The following FGF14 variants were observed in gnomAD, a reference collection of about 807,000 sequenced individuals.
The protein encoded by FGF14 is fibroblast growth factor homologous factor 4.
In FGF14, 5 loss-of-function variants were observed where a neutral mutation model predicts 25.5. The ratio of observed to expected loss-of-function variants is 0.20; its 90% CI spans 0.10 to 0.41. The LOEUF is 0.41. FGF14 is among the 10% of genes least tolerant of loss of function. The pLI is 1.00. For synonymous variants in FGF14, 138 were observed against 118.3 expected (o/e 1.17, Z -1.08); for missense variants, 222 against 320.1 (o/e 0.69, Z 2.34).
chr13:102,113,293 T>C (rs2045318818), intron 1 of FGF14, among the ~76,000 whole-genome samples: 1 of 152,232 alleles, frequency 6.6e-6, no homozygotes, highest in Non-Finnish European at 1.5e-5. Context: ...ATTAGGATCC[T>C]AGACCAGGGC....
At chr13:102,360,096 G>A (rs1415039) in intron 1 of FGF14, among the ~76,000 whole-genome samples, 12,409 of 152,114 alleles carry the variant, frequency 0.082, 991 homozygotes, top group African/African-American at 0.21. Flanking sequence ...TTACTCATTT[G>A]CCCCTTCAGC....
chr13:102,026,686 G>C (rs1431705534), intron 1 of FGF14, among the ~76,000 whole-genome samples: 1 of 151,910 alleles, frequency 6.6e-6, no homozygotes, highest in East Asian at 1.9e-4. Flanking sequence ...GCACTCAATG[G>C]CTAGAAATAA....
chr13:102,042,244 A>G (rs541189025), intron 1 of FGF14, among the ~76,000 whole-genome samples: 158 of 152,316 alleles, frequency 1.0e-3, no homozygotes, highest in African/African-American at 3.6e-3. Context: ...CAAATATGGT[A>G]TCACTTAGTA....
chr13:102,257,575 C>T (rs142361435), intron 1 of FGF14, among the ~76,000 whole-genome samples: 24 of 151,928 alleles, frequency 1.6e-4, no homozygotes, highest in African/African-American at 5.6e-4. Context: ...TGAAGTGATC[C>T]ACCTGCCTTG....
intron 1 of FGF14, among the ~76,000 whole-genome samples, chr13:102,372,759 C>T (rs542592600): frequency 1.3e-5 from 2 of 152,034 alleles, no homozygotes; most frequent in African/African-American, 2.4e-5. Context: ...GAAAATGTAT[C>T]GTCATTGTAG....
chr13:101,774,953 G>A (rs1388399924), intron 3 of FGF14, among the ~76,000 whole-genome samples: 4 of 124,864 alleles, frequency 3.2e-5, no homozygotes, highest in Non-Finnish European at 6.4e-5. Context: ...TGGGCAACAC[G>A]AATGAAACTC....
chr13:101,818,382 C>T (rs530611560), intron 3 of FGF14, among the ~76,000 whole-genome samples: 2 of 152,306 alleles, frequency 1.3e-5, no homozygotes, highest in Admixed American at 1.3e-4. Context: ...CAAAACAGGT[C>T]CTCCCTGTGC....
At chr13:102,028,364 T>C (rs1445231198) in intron 1 of FGF14, among the ~76,000 whole-genome samples, 1 of 152,030 alleles carries the variant, frequency 6.6e-6, no homozygotes, top group Non-Finnish European at 1.5e-5. Flanking sequence ...CTGATTTGCC[T>C]CCTTCCACCA....
At chr13:101,736,296 TAATAA>T (rs1263859883) in intron 3 of FGF14, among the ~76,000 whole-genome samples, 5 of 152,278 alleles carry the variant, frequency 3.3e-5, no homozygotes, top group African/African-American at 7.2e-5. Context: ...AAAAGAGAAA[TAATAA>T]AATATACATT....
intron 1 of FGF14, among the ~76,000 whole-genome samples, chr13:101,956,616 T>A (rs1276024765): frequency 2.0e-5 from 3 of 152,086 alleles, no homozygotes; most frequent in Admixed American, 6.6e-5. Context: ...CTGCTGGGGT[T>A]AATGAGGTAA....
intron 3 of FGF14, among the ~76,000 whole-genome samples, chr13:101,786,413 C>A (rs780108775): frequency 6.6e-6 from 1 of 152,036 alleles, no homozygotes; most frequent in Non-Finnish European, 1.5e-5. Context: ...GGGTGGAGGA[C>A]GGGGAGTTAA....
At chr13:102,318,390 T>G (rs979428456) in intron 1 of FGF14, among the ~76,000 whole-genome samples, 1 of 152,152 alleles carries the variant, frequency 6.6e-6, no homozygotes, top group Non-Finnish European at 1.5e-5. Flanking sequence ...CAAGGCACCA[T>G]CAGCTGCGTG....
intron 1 of FGF14, among the ~76,000 whole-genome samples, chr13:102,248,025 T>A (rs12100405): frequency 0.047 from 7,155 of 151,928 alleles, 289 homozygotes; most frequent in East Asian, 0.16. Context: ...CACTTAGAAG[T>A]GGGAACTAAA....
chr13:101,783,176 T>C (rs1314961250), intron 3 of FGF14, among the ~76,000 whole-genome samples: 1 of 152,116 alleles, frequency 6.6e-6, no homozygotes, highest in Non-Finnish European at 1.5e-5. Flanking sequence ...GTATGCCTTC[T>C]TTTTAAAAGT....
chr13:102,139,996 G>A (rs990650944), intron 1 of FGF14, among the ~76,000 whole-genome samples: 9 of 150,270 alleles, frequency 6.0e-5, no homozygotes, highest in African/African-American at 1.2e-4. Context: ...ACAAGCCTTC[G>A]TGTAACATCA....
At chr13:101,809,294 T>C (rs977950855) in intron 3 of FGF14, among the ~76,000 whole-genome samples, 16 of 152,148 alleles carry the variant, frequency 1.1e-4, no homozygotes, top group Non-Finnish European at 2.1e-4. Flanking sequence ...TCAGAACACA[T>C]GATTAAAAAT....
At chr13:101,989,721 C>G (rs957303670) in intron 1 of FGF14, among the ~76,000 whole-genome samples, 4 of 152,096 alleles carry the variant, frequency 2.6e-5, no homozygotes, top group African/African-American at 9.7e-5. Flanking sequence ...TAGTCTTAAA[C>G]TACTTGGCAA....
At chr13:102,021,301 ACTTAGCTCATTT>A (rs1171285876) in intron 1 of FGF14, among the ~76,000 whole-genome samples, 1 of 152,058 alleles carries the variant, frequency 6.6e-6, no homozygotes. Context: ...GAAACATTCT[ACTTAGCTCATTT>A]TGAGCTAAGT....
intron 1 of FGF14, among the ~76,000 whole-genome samples, chr13:102,013,675 C>T (rs2139816454): frequency 6.6e-6 from 1 of 152,236 alleles, no homozygotes; most frequent in South Asian, 2.1e-4. Context: ...AGCCTTCCTC[C>T]CAATCTCAGA....
Sources: gnomAD v4.1 joint callset for allele counts (sites outside exome capture counted in the v4.1 genomes callset) on GRCh38, gnomAD v4.1.1 for gene constraint, MANE v1.5 for transcripts, NCBI Gene and HGNC (gene_info 2026-07-23, HGNC 2026-07-21) for gene names.